Variants in ICE1 observed in about 807,000 individuals in gnomAD.
The protein encoded by ICE1 is interactor of little elongation complex ELL subunit 1, also known as little elongation complex subunit 1.
A neutral mutation model predicts 192.7 loss-of-function variants in ICE1; 64 were observed. That is an observed-to-expected ratio of 0.33 (90% CI 0.27 to 0.41). The LOEUF is 0.41. ICE1 is among the 10% of genes least tolerant of loss of function. The probability of loss-of-function intolerance (pLI) is 1.00; values close to 1 mark genes in which losing one functional copy is unlikely to be tolerated. For synonymous variants in ICE1, 1,010 were observed against 984.5 expected, an observed-to-expected ratio of 1.03 and a Z score of -0.49; for missense variants, 2,708 against 2,696.0, an observed-to-expected ratio of 1.00 and a Z score of -0.10.
intron 17 of ICE1, among the ~76,000 whole-genome samples, chr5:5,481,883 A>C (rs560001383): frequency 1.6e-4 from 24 of 152,324 alleles, no homozygotes; most frequent in African/African-American, 5.8e-4. Flanking sequence ...CATATAGCCT[A>C]GGTGTGTAGT....
intron 18 of ICE1, among the ~76,000 whole-genome samples, chr5:5,488,881 A>C (rs1285434934): frequency 6.6e-6 from 1 of 152,124 alleles, no homozygotes; most frequent in African/African-American, 2.4e-5. Flanking sequence ...GGGATCTTGG[A>C]GGCCCTCTCC....
chr5:5,423,737 C>T (rs936962022), intron 1 of ICE1, among the ~76,000 whole-genome samples: 2 of 152,112 alleles, frequency 1.3e-5, no homozygotes, highest in African/African-American at 4.8e-5. Context: ...TGCCTGATGT[C>T]GGGGGTCTCT....
chr5:5,462,082 G>T lies in ICE1; in HGVS notation c.2748G>T (p.Thr916=), dbSNP rs370714575. Residue 916 remains threonine, a synonymous_variant, in exon 13 of 19, where the codon ACG becomes ACT. Coordinates refer to ENST00000296564, the MANE Select transcript of ICE1 (RefSeq NM_015325.3). ...GERDDTTQNI[T]EVAAVKSISP... ...GAGATGATACAACACAAAACATCAC[G>T]GAGGTGGCTGCTGTGAAAAGCATTT... 11 of 1,613,760 alleles carry T rather than the reference G, an allele frequency of 6.8e-6. No individual in the cohort carries two copies. In the East Asian group the frequency reaches 2.2e-4, roughly 33 times the overall value.
intron 1 of ICE1, among the ~76,000 whole-genome samples, chr5:5,429,406 C>T (rs551521488): frequency 7.2e-5 from 11 of 152,240 alleles, no homozygotes; most frequent in South Asian, 6.2e-4. Flanking sequence ...TGCTAAGGAT[C>T]GTGTTCTCAG....
chr5:5,442,339 C>T (rs996333685), intron 5 of ICE1, among the ~76,000 whole-genome samples: 2 of 152,184 alleles, frequency 1.3e-5, no homozygotes, highest in African/African-American at 4.8e-5. Context: ...AGTGGTGACA[C>T]GTAGCTGTCT....
chr5:5,470,689 C>T (rs1739133356), intron 15 of ICE1, among the ~76,000 whole-genome samples: 2 of 152,092 alleles, frequency 1.3e-5, no homozygotes, highest in African/African-American at 2.4e-5. Flanking sequence ...GAATTGGCCA[C>T]ATGAAAACAT....
chr5:5,479,720 TAAAG>T (rs1739441116), intron 17 of ICE1, among the ~76,000 whole-genome samples: 1 of 152,028 alleles, frequency 6.6e-6, no homozygotes, highest in Admixed American at 6.5e-5. Context: ...AGAGACTGGA[TAAAG>T]AAAATGTGGC....
chr5:5,452,402 G>A (rs1410946326), intron 10 of ICE1, among the ~76,000 whole-genome samples: 2 of 151,822 alleles, frequency 1.3e-5, no homozygotes, highest in Admixed American at 1.3e-4. Context: ...TGTTAGAAAA[G>A]GAATGGAATA....
chr5:5,468,718 T>C, intron 14 of ICE1, 110 bp from the exon 15 acceptor site: 1 of 615,054 alleles, frequency 1.6e-6, no homozygotes, highest in South Asian at 3.3e-5. Context: ...CTTCCTCCAT[T>C]GCAGGATGCC....
chr5:5,435,678 G>GTTTTTTTTTTT (rs796599483), intron 1 of ICE1, among the ~76,000 whole-genome samples: 3 of 116,736 alleles, frequency 2.6e-5, no homozygotes, highest in African/African-American at 9.4e-5. Context: ...TTTTTGTTTT[G>GTTTTTTTTTTT]TTTTTGTTTT....
chr5:5,439,470 A>G (rs2560297), intron 3 of ICE1, among the ~76,000 whole-genome samples: 68,862 of 152,012 alleles, frequency 0.45, 16,546 homozygotes, highest in East Asian at 0.64. Context: ...TTTCTACAAA[A>G]CATGCTTATA....
chr5:5,426,527 A>G (rs985979460), intron 1 of ICE1, among the ~76,000 whole-genome samples: 1 of 152,142 alleles, frequency 6.6e-6, no homozygotes, highest in Non-Finnish European at 1.5e-5. Context: ...TGTCACTTAA[A>G]GGAATCTTTG....
intron 12 of ICE1, among the ~76,000 whole-genome samples, chr5:5,458,524 G>T (rs1312061846): frequency 1.3e-5 from 2 of 152,172 alleles, no homozygotes; most frequent in Non-Finnish European, 2.9e-5. Flanking sequence ...GCAGGTTGCG[G>T]GGCAGGCAGG....
intron 18 of ICE1, 150 bp downstream of exon 18, chr5:5,486,969 A>G: frequency 1.7e-6 from 1 of 590,148 alleles, no homozygotes; most frequent in South Asian, 2.2e-5. Context: ...CAGCATTAAT[A>G]TTGGAATGTG....
chr5:5,449,469 A>C (rs984418443), intron 10 of ICE1, among the ~76,000 whole-genome samples: 1 of 152,124 alleles, frequency 6.6e-6, no homozygotes, highest in South Asian at 2.1e-4. Context: ...CGGAAAAAAA[A>C]AAAACAAAAA....
At position 5,489,509 on chromosome 5, in the gene ICE1, C is replaced by T; in HGVS notation, c.*179C>T. On this transcript the variant is annotated 3_prime_UTR_variant, in exon 19 of 19. Transcript: ENST00000296564. ...CAGGAGAAACAAGCAGTCGCATAGT[C>T]GTTTTTCCCTAAATCTAATACGTTT... is the stretch of plus-strand genomic sequence containing the variant. 5 of 541,524 alleles carry T rather than the reference C, an allele frequency of 9.2e-6. No homozygotes were observed. The highest frequency in any genetic ancestry group is 6.1e-5 in the East Asian group (2 of 32,842). The allele number at this position is 541,524 out of a possible 1,614,324, so 33.5% of individuals were successfully genotyped here.
At position 5,461,307 on chromosome 5, in the gene ICE1, A is replaced by G. The variant is rs373299885; in HGVS notation, c.1973A>G (p.Asp658Gly). The G allele has an allele frequency of 2.6e-5, 42 of 1,613,842 alleles. 1 individual carries two copies. In the South Asian group the frequency reaches 3.5e-4, roughly 13 times the overall value. ...GGGTTAGACTGTGGTAATGATACAG[A>G]TATTACTACTAAAGTATTCTCTACT... is the stretch of plus-strand genomic sequence containing the variant. ...SSGLDCGNDT[D>G]ITTKVFSTEP... Residue 658 changes from aspartate (D) to glycine (G), a missense_variant, in exon 13 of 19, where the codon GAT becomes GGT. Around this residue, in one of 2 missense-constraint regions of ICE1, gnomAD observed 2,366 missense variants for 2,276.6 expected, o/e 1.04. Transcript: ENST00000296564.
chr5:5,457,671 T>C lies in ICE1; in HGVS notation c.1031T>C (p.Leu344Pro). The change falls in exon 12 of 19, where the codon CTG becomes CCG. Residue 344 changes from leucine to proline, a missense_variant. Coordinates refer to ENST00000296564, the MANE Select transcript of ICE1 (RefSeq NM_015325.3). Reference protein sequence around the residue: ...IDFFKLPPPLLSPVPSPPPMS... With the variant: ...IDFFKLPPPLPSPVPSPPPMS... ...TTCTTCAAACTTCCCCCTCCTCTTC[T>C]GTCACCAGTGCCCTCGCCCCCTCCG... 6.2e-7 allele frequency: 1 copy of C among 1,614,004 alleles called. No homozygotes were observed. Among genetic ancestry groups the C allele is most frequent in the Non-Finnish European group, 8.5e-7 (1 of 1,179,886 alleles).
At chr5:5,455,691 C>A (rs1000015553) in intron 11 of ICE1, among the ~76,000 whole-genome samples, 1 of 152,078 alleles carries the variant, frequency 6.6e-6, no homozygotes, top group Non-Finnish European at 1.5e-5. Context: ...AAGACATATT[C>A]TTTTGTTTTA....
Sources: gnomAD v4.1 joint callset for allele counts (sites outside exome capture counted in the v4.1 genomes callset) on GRCh38, gnomAD v4.1.1 for gene constraint, gnomAD v4.1.1 regional missense constraint, MANE v1.5 for transcripts, NCBI Gene and HGNC (gene_info 2026-07-23, HGNC 2026-07-21) for gene names.